ASH1L: variants seen among roughly 807,000 people sequenced by gnomAD.
ASH1L encodes the protein ASH1 like histone lysine methyltransferase, also known as histone-lysine N-methyltransferase ASH1L.
A neutral mutation model predicts 269.0 loss-of-function variants in ASH1L; 23 were observed. That is an observed-to-expected ratio of 0.09 (90% CI 0.06 to 0.12). The LOEUF (loss-of-function observed/expected upper bound fraction) is 0.12, where lower values mean the gene tolerates loss of function less well. ASH1L is among the 10% of genes least tolerant of loss of function. The pLI is 1.00. For missense variants in ASH1L, 2,912 were observed against 3,567.8 expected, an observed-to-expected ratio of 0.82 and a Z score of 4.68; for synonymous variants, 1,187 against 1,253.5, an observed-to-expected ratio of 0.95 and a Z score of 1.12.
At chr1:155,411,148 C>G (rs1029672704) in intron 6 of ASH1L, among the ~76,000 whole-genome samples, 1 of 152,086 alleles carries the variant, frequency 6.6e-6, no homozygotes, top group Admixed American at 6.6e-5. Context: ...GTACTTTCCA[C>G]TCAATTTTGC....
intron 3 of ASH1L, among the ~76,000 whole-genome samples, chr1:155,469,916 T>C (rs902414668): frequency 3.3e-5 from 5 of 152,248 alleles, no homozygotes; most frequent in East Asian, 1.9e-4. Context: ...GAGTCTCATA[T>C]AAACGAGGAC....
intron 2 of ASH1L, 33 bp from the exon 3 acceptor site, chr1:155,482,482 G>T: frequency 6.4e-7 from 1 of 1,570,204 alleles, no homozygotes; most frequent in Non-Finnish European, 8.6e-7. Context: ...GTTAAAGAGG[G>T]AGTAAACCTT....
At position 155,562,348 on chromosome 1, in the gene ASH1L, A is replaced by C; in HGVS notation, c.-295T>G. 6.5e-7 allele frequency: 1 copy of C among 1,542,746 alleles called. No homozygotes were observed. Among genetic ancestry groups the C allele is most frequent in the Non-Finnish European group, 8.9e-7 (1 of 1,129,304 alleles). On this transcript the variant is annotated 5_prime_UTR_variant, in exon 1 of 28. Transcript: ENST00000392403. Reference sequence around the variant, plus strand: ...GAAAGGTGGAAGGCTAAAGGGGGCAAACTGAGGGGAGGCGGGTCCCGCAAC... The same window carrying C: ...GAAAGGTGGAAGGCTAAAGGGGGCACACTGAGGGGAGGCGGGTCCCGCAAC...
At chr1:155,454,493 AGTG>A in intron 4 of ASH1L, among the ~76,000 whole-genome samples, 1 of 152,102 alleles carries the variant, frequency 6.6e-6, no homozygotes, top group East Asian at 1.9e-4. Flanking sequence ...ACAGGTCAGG[AGTG>A]GTGGCTCAGG....
intron 25 of ASH1L, 92 bp from the exon 26 acceptor site, chr1:155,339,460 G>C (rs940305841): frequency 3.1e-5 from 35 of 1,112,602 alleles, no homozygotes; most frequent in Admixed American, 6.1e-5. Flanking sequence ...AACACAGTAG[G>C]GCAGTAGACA....
intron 19 of ASH1L, 61 bp from the exon 20 acceptor site, chr1:155,347,965 TAA>T: frequency 6.3e-7 from 1 of 1,599,044 alleles, no homozygotes; most frequent in Non-Finnish European, 8.6e-7. Flanking sequence ...ACAATTTACC[TAA>T]AGAGGTAGCA....
rs140692310 is a variant in ASH1L at position 155,414,940 on chromosome 1, C to G, written c.6008+804G>C. Among the ~76,000 whole-genome samples the G allele has an allele frequency of 2.0e-4, 30 of 152,210 alleles. No homozygotes were observed. The East Asian group carries it at 5.6e-3, about 28-fold the overall frequency. ...TACTCTGCCAAGATAATACAAAGTT[C>G]TTAAAAGCAAGGCAAATATTTTATT... is the stretch of plus-strand genomic sequence containing the variant. On this transcript the variant is annotated intron_variant, in intron 6 of 27. Transcript: ENST00000392403.
intron 1 of ASH1L, among the ~76,000 whole-genome samples, chr1:155,529,243 T>G (rs184037837): frequency 5.3e-5 from 8 of 152,336 alleles, no homozygotes; most frequent in Admixed American, 2.6e-4. Flanking sequence ...GTTATTTCTG[T>G]TTTTAGGTCT....
intron 25 of ASH1L, among the ~76,000 whole-genome samples, chr1:155,341,179 A>T (rs1164478776): frequency 2.2e-3 from 199 of 92,248 alleles, no homozygotes; most frequent in Non-Finnish European, 4.2e-3. Flanking sequence ...AATGTTCACA[A>T]TTTTTTTTTT....
At chr1:155,556,467 CAG>C (rs1671599853) in intron 1 of ASH1L, among the ~76,000 whole-genome samples, 1 of 148,796 alleles carries the variant, frequency 6.7e-6, no homozygotes, top group African/African-American at 2.5e-5. Context: ...TTTTTTGAGA[CAG>C]AGTTTCACTC....
chr1:155,514,157 A>T (rs1212871778), intron 2 of ASH1L, among the ~76,000 whole-genome samples: 1 of 152,198 alleles, frequency 6.6e-6, no homozygotes, highest in East Asian at 1.9e-4. Context: ...GAGAATGAAG[A>T]GTTAATAGAG....
chr1:155,463,240 C>T lies in ASH1L; in HGVS notation c.4985-3342G>A, dbSNP rs143877304. On this transcript the variant is annotated intron_variant, in intron 3 of 27. Transcript: ENST00000392403. ...CCTAAAACATAATGCAGAGCAGAGTCGAGTGCGATATCGTGTTCAGTACAT... is the reference window on the plus strand; with the variant it reads ...CCTAAAACATAATGCAGAGCAGAGTTGAGTGCGATATCGTGTTCAGTACAT... Among the ~76,000 whole-genome samples, 87 of 152,130 alleles carry T rather than the reference C, an allele frequency of 5.7e-4. No homozygotes were observed. The East Asian group carries it at 0.016, about 27-fold the overall frequency.
chr1:155,416,160 T>C (rs1023729412), intron 5 of ASH1L, among the ~76,000 whole-genome samples: 3 of 152,076 alleles, frequency 2.0e-5, no homozygotes, highest in East Asian at 3.9e-4. Flanking sequence ...AGTCGGAATC[T>C]TTCTCTGTCA....
rs374946399 is a variant in ASH1L at position 155,481,643 on chromosome 1, C to A, written c.1227G>T (p.Met409Ile). 2 of 1,614,030 alleles carry A rather than the reference C, an allele frequency of 1.2e-6. No homozygotes were observed. Among genetic ancestry groups the A allele is most frequent in the African/African-American group, 2.7e-5 (2 of 74,940 alleles). Reference protein sequence around the residue: ...LVNKDIGKKLMSCPLAGLISK... With the variant: ...LVNKDIGKKLISCPLAGLISK... The stretch of plus-strand genomic sequence containing the variant: ...TGATCAGACCTGCCAAAGGACAACT[C>A]ATTAGTTTCTTTCCAATGTCCTTAT... Residue 409 changes from methionine to isoleucine, a missense_variant, in exon 3 of 28, where the codon ATG (methionine) becomes ATT (isoleucine). Physicochemically the swap from Met to Ile is conservative, Grantham distance 10. Transcript: ENST00000392403.
chr1:155,515,426 TGCTACAGGA>T (rs1668437665), intron 2 of ASH1L, among the ~76,000 whole-genome samples: 1 of 152,230 alleles, frequency 6.6e-6, no homozygotes, highest in African/African-American at 2.4e-5. Flanking sequence ...CAGATTTTTA[TGCTACAGGA>T]TTAAACAAAC....
chr1:155,516,416 T>C (rs564998704), intron 2 of ASH1L, among the ~76,000 whole-genome samples: 2 of 152,322 alleles, frequency 1.3e-5, no homozygotes, highest in South Asian at 2.1e-4. Flanking sequence ...CACAGTTTTA[T>C]ATGTAGAAAA....
intron 1 of ASH1L, among the ~76,000 whole-genome samples, chr1:155,544,313 G>A (rs563237094): frequency 6.8e-6 from 1 of 147,166 alleles, no homozygotes; most frequent in African/African-American, 2.5e-5. Flanking sequence ...TTGAGATATA[G>A]TCTCACTCTA....
In ASH1L at chr1:155,352,764, C is replaced by T; in HGVS notation, c.7308G>A (p.Arg2436=). The stretch of plus-strand genomic sequence containing the variant: ...TGAAGATCTGGGCTAGGCGGGCTGC[C>T]CGAGCCACTTCAATATTTTCCTCTG... The part of the protein sequence containing the change: ...AAAEENIEVA[R]AARLAQIFKE... The change falls in exon 17 of 28, where the codon CGG becomes CGA. Residue 2436 remains arginine, a synonymous_variant. Transcript: ENST00000392403. The T allele has an allele frequency of 1.5e-5, 24 of 1,614,052 alleles. No homozygotes were observed. Among genetic ancestry groups the T allele is most frequent in the Non-Finnish European group, 1.7e-5 (20 of 1,179,980 alleles).
rs576395516 is a variant in ASH1L at position 155,392,777 on chromosome 1, G to A, written c.6103+2682C>T. 4.6e-5 allele frequency among the ~76,000 whole-genome samples: 7 copies of A among 151,804 alleles called. 1 individual carries two copies. The South Asian group carries it at 1.5e-3, about 32-fold the overall frequency. Reference sequence around the variant, plus strand: ...GTGCTGGGATTACAGGTGGATAATTGTTATTCCCGGGAGGGTTAGCCTGAT... The same window carrying A: ...GTGCTGGGATTACAGGTGGATAATTATTATTCCCGGGAGGGTTAGCCTGAT... On this transcript the variant is annotated intron_variant, in intron 7 of 27. Coordinates refer to ENST00000392403, the MANE Select transcript of ASH1L (RefSeq NM_018489.3).
Sources: gnomAD v4.1 joint callset for allele counts (sites outside exome capture counted in the v4.1 genomes callset) on GRCh38, gnomAD v4.1.1 for gene constraint, MANE v1.5 for transcripts, NCBI Gene and HGNC (gene_info 2026-07-23, HGNC 2026-07-21) for gene names.